The following MSH5 variants were observed in gnomAD, a reference collection of about 807,000 sequenced individuals.
MSH5 encodes mutS protein homolog 5.
Under a neutral mutation model 107.7 loss-of-function variants are expected in MSH5, and 78 were observed. The observed-to-expected ratio is 0.72, with a 90% CI of 0.60 to 0.87. MSH5 has a LOEUF of 0.87. MSH5 is among the 40% of genes least tolerant of loss of function. The probability of loss-of-function intolerance (pLI) is 0.00; values close to 1 mark genes in which losing one functional copy is unlikely to be tolerated. For synonymous variants in MSH5, 326 were observed against 399.5 expected (o/e 0.82, Z 2.19); for missense variants, 889 against 1,046.6 (o/e 0.85, Z 2.08).
At position 31,760,954 on chromosome 6, in the gene MSH5, T is replaced by A; in HGVS notation, c.1962+115T>A. 2 of 1,255,172 alleles carry A rather than the reference T, an allele frequency of 1.6e-6. No individual in the cohort carries two copies. Among genetic ancestry groups the A allele is most frequent in the East Asian group, 5.1e-5 (2 of 39,396 alleles). 77.8% of individuals were successfully genotyped at this position (1,255,172 alleles called of 1,614,324 possible). On this transcript the variant is annotated intron_variant, in intron 20 of 24. Coordinates refer to ENST00000375750, the MANE Select transcript of MSH5 (RefSeq NM_172166.4). The surrounding 1 kb of genome is among the most constrained non-coding windows in gnomAD (Gnocchi z 5.6). The stretch of plus-strand genomic sequence containing the variant: ...TGCTGCATGCCCTTTATACTAAAAG[T>A]GGGGAGCACTAAGGTCAGAGATAAG...
Position 31,760,798 on chromosome 6 carries a change from A to G in MSH5, c.1921A>G (p.Ile641Val). 6.2e-7 allele frequency: 1 copy of G among 1,612,948 alleles called. No individual in the cohort carries two copies. The highest frequency in any genetic ancestry group is 1.3e-5 in the African/African-American group (1 of 75,030). ...IFTRIHSCES[I>V]SLGLSTFMID... ...CACACGAATTCATAGCTGCGAATCC[A>G]TCTCCCTTGGCCTCTCCACCTTCAT... Residue 641 changes from isoleucine to valine, a missense_variant, in exon 20 of 25, where the codon ATC becomes GTC. Physicochemically the swap from Ile to Val is conservative, Grantham distance 29 (BLOSUM62 3). Coordinates refer to ENST00000375750, the MANE Select transcript of MSH5 (RefSeq NM_172166.4). This position sits in a 1 kb window ranked among gnomAD's most constrained non-coding sequence, Gnocchi z 5.6.
Position 31,759,939 on chromosome 6 carries a change from C to T in MSH5, c.1649C>T (p.Ser550Phe). 2 of 1,614,184 alleles carry T rather than the reference C, an allele frequency of 1.2e-6. No homozygotes were observed. Among genetic ancestry groups the T allele is most frequent in the South Asian group, 2.2e-5 (2 of 91,082 alleles). ...RDYGYSRPRYSPQVLGVRIQN... is the reference protein window; with the variant it reads ...RDYGYSRPRYFPQVLGVRIQN... ...TATGGCTACTCAAGGCCGCGTTACT[C>T]CCCACAAGTCCTTGGGGTACGAATC... is the stretch of plus-strand genomic sequence containing the variant. The change falls in exon 18 of 25, where the codon TCC becomes TTC. Residue 550 changes from serine to phenylalanine, a missense_variant. By Grantham distance (155) the Ser-to-Phe change is radical. Transcript: ENST00000375750. The surrounding 1 kb of genome is among the most constrained non-coding windows in gnomAD (Gnocchi z 4.7).
chr6:31,740,176 G>C lies in MSH5; in HGVS notation c.-14+114G>C. 2.9e-6 allele frequency: 1 copy of C among 346,124 alleles called. No homozygotes were observed. Among genetic ancestry groups the C allele is most frequent in the Non-Finnish European group, 5.3e-6 (1 of 189,232 alleles). 21.4% of individuals were successfully genotyped at this position (346,124 alleles called of 1,614,324 possible). ...TGGCAGAGGCAGAGACATAAGACGT[G>C]CACGACTCGCCCCACAGGGCCCTCA... On this transcript the variant is annotated intron_variant, in intron 1 of 24. Transcript: ENST00000375750. The surrounding 1 kb of genome is among the most constrained non-coding windows in gnomAD (Gnocchi z 4.4).
intron 4 of MSH5, 57 bp downstream of exon 4, chr6:31,743,014 T>A: frequency 6.2e-7 from 1 of 1,610,026 alleles, no homozygotes; most frequent in African/African-American, 1.3e-5. Context: ...TATGGAATAT[T>A]CCAGGGGGCT....
In MSH5 at chr6:31,758,255, G is replaced by C; in HGVS notation, c.1105G>C (p.Asp369His). ...TCGGGACATTGCCCAAGAGTTCTCT[G>C]ATGACCTGCACCATATCGCCAGCCT... ...LFRDIAQEFS[D>H]DLHHIASLIG... Residue 369 changes from aspartate (D) to histidine (H), a missense_variant, in exon 13 of 25, where the codon GAT becomes CAT. Physicochemically the swap from Asp to His is moderately conservative, Grantham distance 81. This residue lies in a region of MSH5 where 518 missense variants were observed against 565.0 expected (regional missense o/e 0.92). Coordinates refer to ENST00000375750, the MANE Select transcript of MSH5 (RefSeq NM_172166.4). The surrounding 1 kb of genome is among the most constrained non-coding windows in gnomAD (Gnocchi z 5.1). The C allele has an allele frequency of 6.2e-7, 1 of 1,613,062 alleles. No individual in the cohort carries two copies. Among genetic ancestry groups the C allele is most frequent in the Non-Finnish European group, 8.5e-7 (1 of 1,180,040 alleles).
In MSH5 at chr6:31,740,798, T is replaced by C. The variant is rs1467430864; in HGVS notation, c.147+185T>C. On this transcript the variant is annotated intron_variant, in intron 2 of 24. Coordinates refer to ENST00000375750, the MANE Select transcript of MSH5 (RefSeq NM_172166.4). The surrounding 1 kb of genome is among the most constrained non-coding windows in gnomAD (Gnocchi z 4.4). ...CAACATGGCGAAACCCCGTCTCTAC[T>C]AAAAATATAAAAATTAGCCGAGCGT... is the stretch of plus-strand genomic sequence containing the variant. 6.6e-6 allele frequency among the ~76,000 whole-genome samples: 1 copy of C among 152,040 alleles called. No individual in the cohort carries two copies. Among genetic ancestry groups the C allele is most frequent in the Non-Finnish European group, 1.5e-5 (1 of 67,984 alleles).
Position 31,740,567 on chromosome 6 carries a change from G to A in MSH5, c.101G>A (p.Arg34Lys). 1 of 1,518,334 alleles carries A rather than the reference G, an allele frequency of 6.6e-7. No individual in the cohort carries two copies. The highest frequency in any genetic ancestry group is 8.8e-7 in the Non-Finnish European group (1 of 1,135,732). The allele number at this position is 1,518,334 out of a possible 1,614,324, so 94.1% of individuals were successfully genotyped here. The stretch of plus-strand genomic sequence containing the variant: ...AGCCCGGCCCCAGTGCCGGGCCCCA[G>A]GGAGGCCGAGGAGGAGGAAGTCGAG... ...FPSPAPVPGPREAEEEEVEEE... is the reference protein window; with the variant it reads ...FPSPAPVPGPKEAEEEEVEEE... The change falls in exon 2 of 25, where the codon AGG becomes AAG. Residue 34 changes from arginine (R) to lysine (K), a missense_variant. This residue lies in a region of MSH5 where 518 missense variants were observed against 565.0 expected (regional missense o/e 0.92). Coordinates refer to ENST00000375750, the MANE Select transcript of MSH5 (RefSeq NM_172166.4). This position sits in a 1 kb window ranked among gnomAD's most constrained non-coding sequence, Gnocchi z 4.4.
Position 31,743,793 on chromosome 6 carries a change from G to A in MSH5, c.416-111G>A. ...CTCTAGCTTTCCATTAACTGCCTGT[G>A]TGAGCTTGGGCAAGTCAAATAATCT... is the stretch of plus-strand genomic sequence containing the variant. On this transcript the variant is annotated intron_variant, in intron 5 of 24. Coordinates refer to ENST00000375750, the MANE Select transcript of MSH5 (RefSeq NM_172166.4). 4.1e-6 allele frequency: 6 copies of A among 1,480,474 alleles called. No individual in the cohort carries two copies. In the South Asian group the frequency reaches 8.1e-5, roughly 20 times the overall value. 91.7% of individuals were successfully genotyped at this position (1,480,474 alleles called of 1,614,324 possible).
chr6:31,745,157 C>G, intron 8 of MSH5, 80 bp from the exon 9 acceptor site: 3 of 834,652 alleles, frequency 3.6e-6, no homozygotes, highest in South Asian at 2.7e-5. Flanking sequence ...TCCCCTGTCC[C>G]CATTCCATTT....
intron 3 of MSH5, 146 bp downstream of exon 3, chr6:31,741,432 G>A (rs1808895203): frequency 8.9e-7 from 1 of 1,121,898 alleles, no homozygotes; most frequent in African/African-American, 1.6e-5. Flanking sequence ...AGGCTCAAGT[G>A]CAGTGGCGCA....
At chr6:31,747,316 A>G (rs1809550030) in intron 9 of MSH5, 71 bp from the exon 10 acceptor site, 31 of 1,544,470 alleles carry the variant, frequency 2.0e-5, no homozygotes, top group Non-Finnish European at 2.6e-5. Context: ...GCCTCAGCTT[A>G]GACACATAAA....
At chr6:31,745,708 T>C (rs1449168618) in intron 9 of MSH5, among the ~76,000 whole-genome samples, 2 of 152,134 alleles carry the variant, frequency 1.3e-5, no homozygotes, top group African/African-American at 4.8e-5. Context: ...TTAGGGTATA[T>C]TAGGGACATC....
chr6:31,760,778 G>T lies in MSH5; in HGVS notation c.1901G>T (p.Arg634Leu), dbSNP rs766742261. ...GGGGCAGTAGACGCCATCTTCACAC[G>T]AATTCATAGCTGCGAATCCATCTCC... ...EIGAVDAIFT[R>L]IHSCESISLG... The change falls in exon 20 of 25, where the codon CGA becomes CTA. Residue 634 changes from arginine to leucine, a missense_variant. Transcript: ENST00000375750. This position sits in a 1 kb window ranked among gnomAD's most constrained non-coding sequence, Gnocchi z 5.6. 1.2e-6 allele frequency: 2 copies of T among 1,612,980 alleles called. No individual in the cohort carries two copies. The highest frequency in any genetic ancestry group is 1.3e-5 in the African/African-American group (1 of 75,022).
Position 31,743,976 on chromosome 6 carries a change from A to T in MSH5, c.488A>T (p.Glu163Val). 4 of 1,613,932 alleles carry T rather than the reference A, an allele frequency of 2.5e-6. No homozygotes were observed. The highest frequency in any genetic ancestry group is 3.4e-6 in the Non-Finnish European group (4 of 1,180,030). ...SFIPDAMTAT[E>V]KILFLSSIIP... ...ATCCCAGACGCCATGACTGCCACTG[A>T]GAAAATCCTCTTCCTCTCTTCCATT... The change falls in exon 6 of 25, where the codon GAG (glutamate) becomes GTG (valine). Residue 163 changes from glutamate to valine, a missense_variant. Coordinates refer to ENST00000375750, the MANE Select transcript of MSH5 (RefSeq NM_172166.4).
intron 12 of MSH5, among the ~76,000 whole-genome samples, chr6:31,754,603 C>A (rs1810275760): frequency 6.6e-6 from 1 of 151,992 alleles, no homozygotes; most frequent in African/African-American, 2.4e-5. Context: ...CCTCTAACTT[C>A]TGGGCTCAAG....
intron 3 of MSH5, among the ~76,000 whole-genome samples, chr6:31,741,523 C>T (rs931537863): frequency 1.8e-4 from 27 of 152,170 alleles, no homozygotes; most frequent in African/African-American, 6.0e-4. Context: ...GGACTACAGG[C>T]GTGTGCCACC....
chr6:31,753,479 T>G lies in MSH5; in HGVS notation c.951+40T>G, dbSNP rs1284580433. 4 of 1,611,556 alleles carry G rather than the reference T, an allele frequency of 2.5e-6. No individual in the cohort carries two copies. In the African/African-American group the frequency reaches 5.4e-5, roughly 22 times the overall value. On this transcript the variant is annotated intron_variant, in intron 11 of 24. Transcript: ENST00000375750. ...GAGGGCAGGGAGGTGGGGAAGGAGG[T>G]TGAGGGCTGATACTGGGCAGTGGGC...
rs1314808321 is a variant in MSH5 at position 31,760,584 on chromosome 6, G to A, written c.1813-106G>A. 4 of 1,437,826 alleles carry A rather than the reference G, an allele frequency of 2.8e-6. No homozygotes were observed. Among genetic ancestry groups the A allele is most frequent in the East Asian group, 2.3e-5 (1 of 43,958 alleles). The allele number at this position is 1,437,826 out of a possible 1,614,324, so 89.1% of individuals were successfully genotyped here. A position where few individuals can be genotyped will look rare whatever the true frequency, so the allele number is the denominator to read the frequency against. ...AGTGTGTCTGTTACCTATTTCTCCT[G>A]TTTCACCCTGTCCATTTCTCTTTGA... is the stretch of plus-strand genomic sequence containing the variant. On this transcript the variant is annotated intron_variant, in intron 19 of 24. Coordinates refer to ENST00000375750, the MANE Select transcript of MSH5 (RefSeq NM_172166.4). The surrounding 1 kb of genome is among the most constrained non-coding windows in gnomAD (Gnocchi z 5.6).
rs754105579 is a variant in MSH5, at chr6:31,753,436, G to C, written c.948G>C (p.Val316=). ...GGCTCCTGGGTCACATCAAGAACGT[G>C]CCTGTGAGCCCAGGGTGGAGGGCAG... ...LHRLLGHIKN[V]PLILKRMKLS... Residue 316 remains valine, a synonymous_variant, in exon 11 of 25, where the codon GTG becomes GTC. Transcript: ENST00000375750. 1.3e-5 allele frequency: 21 copies of C among 1,613,714 alleles called. No individual in the cohort carries two copies. The highest frequency in any genetic ancestry group is 1.8e-5 in the Non-Finnish European group (21 of 1,179,794).
Sources: allele counts gnomAD v4.1 joint callset (sites outside exome capture counted in the v4.1 genomes callset), GRCh38; gene constraint gnomAD v4.1.1; regional missense constraint gnomAD v4.1.1; non-coding constraint Gnocchi (gnomAD v3.1); transcripts MANE v1.5; gene names NCBI Gene and HGNC (gene_info 2026-07-23, HGNC 2026-07-21).